RIMS1: variants seen among roughly 807,000 people sequenced by gnomAD.
The protein encoded by RIMS1 is regulating synaptic membrane exocytosis protein 1.
A neutral mutation model predicts 214.1 loss-of-function variants in RIMS1; 83 were observed. The observed-to-expected ratio is 0.39, with a 90% CI of 0.32 to 0.47. The LOEUF is 0.47. RIMS1 is among the 20% of genes least tolerant of loss of function. The pLI is 0.99. For missense variants in RIMS1, 2,050 were observed against 2,161.8 expected (o/e 0.95, Z 1.03); for synonymous variants, 793 against 786.8 (o/e 1.01, Z -0.13).
intron 29 of RIMS1, among the ~76,000 whole-genome samples, chr6:72,386,622 C>G (rs181106277): frequency 2.0e-5 from 3 of 152,026 alleles, no homozygotes; most frequent in Admixed American, 2.0e-4. Flanking sequence ...CAGACCCTGG[C>G]TCCTTTTCAA....
At chr6:72,217,046 A>T in intron 6 of RIMS1, 2 of 1,452,244 alleles carry the variant, frequency 1.4e-6, no homozygotes, top group Non-Finnish European at 1.8e-6. Context: ...TTGATTTAGA[A>T]TGCAAGGACC....
At chr6:71,957,144 C>T (rs13206801) in intron 1 of RIMS1, among the ~76,000 whole-genome samples, 14,538 of 151,968 alleles carry the variant, frequency 0.096, 996 homozygotes, top group East Asian at 0.28. Flanking sequence ...AAGTTATTAA[C>T]CAAAAACTTC....
At chr6:72,262,827 G>A (rs1220261426) in intron 19 of RIMS1, 13 of 716,688 alleles carry the variant, frequency 1.8e-5, no homozygotes. Context: ...TGTTCACTTA[G>A]GACTTATAAA....
intron 1 of RIMS1, among the ~76,000 whole-genome samples, chr6:71,966,590 T>G (rs1794502319): frequency 6.6e-6 from 1 of 152,252 alleles, no homozygotes; most frequent in African/African-American, 2.4e-5. Context: ...TGGCACGATC[T>G]CAGCTCATTG....
chr6:72,007,844 T>A (rs1349461307), intron 2 of RIMS1, among the ~76,000 whole-genome samples: 1 of 152,168 alleles, frequency 6.6e-6, no homozygotes, highest in Non-Finnish European at 1.5e-5. Context: ...AATCTATGTC[T>A]GATTGGTGTA....
rs796415784 is a variant in RIMS1, at chr6:72,332,681, A to AT, written c.4131-918dup. ...GCACATGTACCCTAAAACTTAAAGT[A>AT]TAAAAAAAAAAAAAAAGAATCCTAA... On this transcript the variant is annotated intron_variant, in intron 28 of 33. Transcript: ENST00000521978. Among the ~76,000 whole-genome samples the AT allele has an allele frequency of 9.4e-4, 141 of 149,780 alleles. 1 individual carries two copies. Among genetic ancestry groups the AT allele is most frequent in the African/African-American group, 3.3e-3 (131 of 40,290 alleles).
chr6:71,925,319 A>G (rs2150820016), intron 1 of RIMS1, among the ~76,000 whole-genome samples: 1 of 152,336 alleles, frequency 6.6e-6, no homozygotes, highest in African/African-American at 2.4e-5. Flanking sequence ...AGGCTATGAC[A>G]GAGCTCCATT....
At chr6:72,206,207 A>T (rs2496528) in intron 6 of RIMS1, among the ~76,000 whole-genome samples, 107,817 of 152,036 alleles carry the variant, frequency 0.71, 38,565 homozygotes, top group East Asian at 0.84. Context: ...GTGTCTCTTC[A>T]TTTCTTTTAG....
intron 1 of RIMS1, among the ~76,000 whole-genome samples, chr6:71,937,250 T>A (rs952994913): frequency 1.3e-5 from 2 of 152,034 alleles, no homozygotes; most frequent in South Asian, 2.1e-4. Flanking sequence ...TAGATGGAAA[T>A]TTTTTTTAAT....
intron 28 of RIMS1, among the ~76,000 whole-genome samples, chr6:72,319,016 A>AT (rs2095995103): frequency 6.6e-6 from 1 of 151,566 alleles, no homozygotes; most frequent in South Asian, 2.1e-4. Context: ...ATGTGTTACC[A>AT]TTTTTTAAAA....
chr6:72,300,948 G>A (rs995951167), intron 26 of RIMS1, among the ~76,000 whole-genome samples: 2 of 151,644 alleles, frequency 1.3e-5, no homozygotes, highest in African/African-American at 2.4e-5. Context: ...TTTCACCTAT[G>A]CCAATGTTAA....
At chr6:72,081,273 G>A (rs1055447492) in intron 2 of RIMS1, among the ~76,000 whole-genome samples, 1 of 152,126 alleles carries the variant, frequency 6.6e-6, no homozygotes, top group African/African-American at 2.4e-5. Context: ...GTGAAGTATA[G>A]CAAAGTGTTT....
chr6:72,309,393 G>C (rs1380977379), intron 27 of RIMS1, among the ~76,000 whole-genome samples: 3 of 152,036 alleles, frequency 2.0e-5, no homozygotes, highest in African/African-American at 7.2e-5. Flanking sequence ...AATGAAAGAG[G>C]TAATTAATTA....
At chr6:72,165,318 T>A (rs193279439) in intron 4 of RIMS1, among the ~76,000 whole-genome samples, 4 of 152,222 alleles carry the variant, frequency 2.6e-5, no homozygotes, top group Non-Finnish European at 5.9e-5. Context: ...AATTTTCATT[T>A]CTTTTATGTA....
intron 2 of RIMS1, among the ~76,000 whole-genome samples, chr6:72,051,551 G>C (rs116353719): frequency 6.6e-6 from 1 of 152,066 alleles, no homozygotes; most frequent in Non-Finnish European, 1.5e-5. Flanking sequence ...ATGCCTAGTC[G>C]TGGCTTGTGA....
intron 2 of RIMS1, among the ~76,000 whole-genome samples, chr6:71,989,739 G>A (rs964780531): frequency 5.3e-5 from 8 of 152,096 alleles, no homozygotes; most frequent in African/African-American, 1.9e-4. Flanking sequence ...CTAGCAACCA[G>A]GAATAGAACA....
At chr6:72,378,296 C>T (rs990467666) in intron 29 of RIMS1, among the ~76,000 whole-genome samples, 1 of 152,198 alleles carries the variant, frequency 6.6e-6, no homozygotes, top group African/African-American at 2.4e-5. Context: ...TGCATAGCTT[C>T]TATTCTAAAT....
chr6:72,119,812 C>A (rs1043580481), intron 4 of RIMS1, among the ~76,000 whole-genome samples: 1 of 151,544 alleles, frequency 6.6e-6, no homozygotes, highest in African/African-American at 2.4e-5. Context: ...ACTCCCCCAA[C>A]CCCACAACAG....
At chr6:71,931,370 T>C (rs1782984002) in intron 1 of RIMS1, among the ~76,000 whole-genome samples, 1 of 152,032 alleles carries the variant, frequency 6.6e-6, no homozygotes, top group South Asian at 2.1e-4. Flanking sequence ...CTACCATGTA[T>C]AGAGGAATTT....
Sources: gnomAD v4.1 joint callset for allele counts (sites outside exome capture counted in the v4.1 genomes callset) on GRCh38, gnomAD v4.1.1 for gene constraint, MANE v1.5 for transcripts, NCBI Gene and HGNC (gene_info 2026-07-23, HGNC 2026-07-21) for gene names.